TMEM132D: variants seen among roughly 807,000 people sequenced by gnomAD.
The protein encoded by TMEM132D is transmembrane protein 132D.
A neutral mutation model predicts 62.3 loss-of-function variants in TMEM132D; 21 were observed. That is an observed-to-expected ratio of 0.34 (90% confidence interval 0.24 to 0.49). The LOEUF (loss-of-function observed/expected upper bound fraction) is 0.49, where lower values mean the gene tolerates loss of function less well. TMEM132D is among the 20% of genes least tolerant of loss of function. The pLI, the probability that TMEM132D is intolerant of heterozygous loss-of-function variation, is 0.99. For missense variants in TMEM132D, 1,346 were observed against 1,402.8 expected (o/e 0.96, Z 0.65); for synonymous variants, 621 against 575.6 (o/e 1.08, Z -1.13).
At chr12:129,898,277 G>C (rs1875216277) in intron 1 of TMEM132D, among the ~76,000 whole-genome samples, 1 of 152,094 alleles carries the variant, frequency 6.6e-6, no homozygotes, top group Non-Finnish European at 1.5e-5. Flanking sequence ...AAATTGTATT[G>C]AGCCCCTGCA....
chr12:129,597,225 A>G (rs1299702675), intron 2 of TMEM132D, among the ~76,000 whole-genome samples: 1 of 152,194 alleles, frequency 6.6e-6, no homozygotes, highest in Non-Finnish European at 1.5e-5. Context: ...CTGACTGTAT[A>G]CAATCAAGAT....
rs76099335 is a variant in TMEM132D, at chr12:129,737,943, C to T, written c.80-37245G>A. Among the ~76,000 whole-genome samples, 1,016 of 152,310 alleles carry T rather than the reference C, an allele frequency of 6.7e-3. 5 individuals carry two copies. Among genetic ancestry groups the T allele is most frequent in the South Asian group, 0.014 (69 of 4,824 alleles). On this transcript the variant is annotated intron_variant, in intron 1 of 8. Coordinates refer to ENST00000422113, the MANE Select transcript of TMEM132D (RefSeq NM_133448.3). Reference sequence around the variant, plus strand: ...ATTGTGGCAATGCCACAAAGACTCACCTGCAACCAATACAATTATAATTAA... The same window carrying T: ...ATTGTGGCAATGCCACAAAGACTCATCTGCAACCAATACAATTATAATTAA...
In TMEM132D at chr12:129,082,030, G is replaced by T. The variant is rs1874470425; in HGVS notation, c.1652C>A (p.Pro551His). ...WRVPIVSSRRPAGDSEEEEDD... is the reference protein window; with the variant it reads ...WRVPIVSSRRHAGDSEEEEDD... The stretch of plus-strand genomic sequence containing the variant: ...CTCCTCCTCTTCACTGTCCCCGGCA[G>T]GCCTGTGAAAGAAGCAGTGCAGTTT... Residue 551 changes from proline (P) to histidine (H), a missense_variant and splice_region_variant, in exon 7 of 9, where the codon CCT becomes CAT. Pro to His is a moderately conservative substitution (Grantham distance 77). Coordinates refer to ENST00000422113, the MANE Select transcript of TMEM132D (RefSeq NM_133448.3). The T allele has an allele frequency of 6.2e-7, 1 of 1,600,250 alleles. No individual in the cohort carries two copies. Among genetic ancestry groups the T allele is most frequent in the South Asian group, 1.1e-5 (1 of 89,780 alleles).
intron 3 of TMEM132D, among the ~76,000 whole-genome samples, chr12:129,517,744 T>C (rs1875724898): frequency 6.6e-6 from 1 of 152,228 alleles, no homozygotes; most frequent in African/African-American, 2.4e-5. Context: ...CTTAGGCTCA[T>C]AAGCCCATCT....
At position 129,605,587 on chromosome 12, in the gene TMEM132D, T is replaced by TTATATATATATATATATATA. The variant is rs71301340; in HGVS notation, c.969-74383_969-74382insTATATATATATATATATATA. Among the ~76,000 whole-genome samples the TTATATATATATATATATATA allele has an allele frequency of 1.8e-3, 193 of 107,298 alleles. 10 individuals carry two copies. The highest frequency in any genetic ancestry group is 9.5e-3 in the Middle Eastern group (2 of 210). 70.4% of individuals were successfully genotyped at this position (107,298 alleles called of 152,430 possible). The stretch of plus-strand genomic sequence containing the variant: ...TTAAATTATTATGGGAAATTAGGCA[T>TTATATATATATATATATATA]TATATATATATATATATACACACAC... On this transcript the variant is annotated intron_variant, in intron 2 of 8. Transcript: ENST00000422113.
At chr12:129,181,339 T>A (rs1264655853) in intron 5 of TMEM132D, among the ~76,000 whole-genome samples, 7 of 152,150 alleles carry the variant, frequency 4.6e-5, no homozygotes, top group Non-Finnish European at 1.0e-4. Context: ...CTTCTCTCCA[T>A]CTCTACTTTA....
At chr12:129,460,071 T>C (rs1227409216) in intron 3 of TMEM132D, among the ~76,000 whole-genome samples, 1 of 152,178 alleles carries the variant, frequency 6.6e-6, no homozygotes, top group Non-Finnish European at 1.5e-5. Flanking sequence ...TGACTCACTT[T>C]TGGCAGCAGA....
At chr12:129,901,874 C>CAA (rs147085917) in intron 1 of TMEM132D, among the ~76,000 whole-genome samples, 28,018 of 145,292 alleles carry the variant, frequency 0.19, 2,905 homozygotes, top group Non-Finnish European at 0.24. Flanking sequence ...CCCCCCGCCC[C>CAA]AAAAAAAAAA....
intron 2 of TMEM132D, among the ~76,000 whole-genome samples, chr12:129,609,538 G>A (rs1340703562): frequency 6.6e-6 from 1 of 152,126 alleles, no homozygotes; most frequent in Non-Finnish European, 1.5e-5. Flanking sequence ...AGCAAGGCTT[G>A]GACTCAGCCT....
intron 5 of TMEM132D, among the ~76,000 whole-genome samples, chr12:129,131,440 G>T (rs1179135562): frequency 1.3e-5 from 2 of 152,044 alleles, no homozygotes; most frequent in Non-Finnish European, 2.9e-5. Context: ...AACCCCATCT[G>T]TATAACAATT....
intron 4 of TMEM132D, among the ~76,000 whole-genome samples, chr12:129,287,317 G>T (rs1156445201): frequency 6.6e-6 from 1 of 152,132 alleles, no homozygotes; most frequent in Non-Finnish European, 1.5e-5. Context: ...TGTAAGCACA[G>T]AATTGAAAAT....
chr12:129,200,312 T>A (rs1254924916), intron 5 of TMEM132D, among the ~76,000 whole-genome samples: 1 of 152,210 alleles, frequency 6.6e-6, no homozygotes, highest in Non-Finnish European at 1.5e-5. Flanking sequence ...CCCTGCCGAA[T>A]AAAAGAGCCT....
intron 1 of TMEM132D, among the ~76,000 whole-genome samples, chr12:129,789,801 G>A (rs1455284937): frequency 6.6e-6 from 1 of 152,164 alleles, no homozygotes; most frequent in Non-Finnish European, 1.5e-5. Context: ...CGACACCATA[G>A]GGAGCCACAC....
chr12:129,721,456 T>C, intron 1 of TMEM132D, among the ~76,000 whole-genome samples: 1 of 152,178 alleles, frequency 6.6e-6, no homozygotes, highest in East Asian at 1.9e-4. Context: ...ATTATGCTCC[T>C]GCCCAGAACG....
At chr12:129,666,749 C>T (rs1024522601) in intron 2 of TMEM132D, among the ~76,000 whole-genome samples, 19 of 152,232 alleles carry the variant, frequency 1.2e-4, no homozygotes, top group Admixed American at 1.1e-3. Flanking sequence ...TCAGGTTTTT[C>T]ACTAAAAATA....
chr12:129,168,404 C>G (rs907186298), intron 5 of TMEM132D, among the ~76,000 whole-genome samples: 13 of 152,250 alleles, frequency 8.5e-5, no homozygotes, highest in Admixed American at 8.5e-4. Context: ...AAAAGAATCC[C>G]CATACCCATT....
intron 1 of TMEM132D, among the ~76,000 whole-genome samples, chr12:129,869,841 T>C (rs1874185271): frequency 6.6e-6 from 1 of 152,176 alleles, no homozygotes; most frequent in Non-Finnish European, 1.5e-5. Flanking sequence ...AATATGCATG[T>C]CTCCATCTAG....
intron 5 of TMEM132D, among the ~76,000 whole-genome samples, chr12:129,191,342 G>A (rs1878396607): frequency 7.0e-6 from 1 of 143,874 alleles, no homozygotes; most frequent in South Asian, 2.2e-4. Context: ...CATAGGATAT[G>A]GGATGTATAC....
chr12:129,126,844 G>A (rs1876228300), intron 5 of TMEM132D, among the ~76,000 whole-genome samples: 3 of 152,140 alleles, frequency 2.0e-5, no homozygotes, highest in Admixed American at 6.5e-5. Context: ...ACAAACAAGG[G>A]CCCAGTTCTC....
Sources: allele counts gnomAD v4.1 joint callset (sites outside exome capture counted in the v4.1 genomes callset), GRCh38; gene constraint gnomAD v4.1.1; transcripts MANE v1.5; gene names NCBI Gene and HGNC (gene_info 2026-07-23, HGNC 2026-07-21).